Variants in FMN1 observed in about 807,000 individuals in gnomAD.
The protein encoded by FMN1 is formin 1.
FMN1 carries 110 observed loss-of-function variants against 132.4 expected under a neutral mutation model. The ratio of observed to expected loss-of-function variants is 0.83; its 90% confidence interval spans 0.71 to 0.97. The LOEUF (loss-of-function observed/expected upper bound fraction) is 0.97. FMN1 is among the 50% of genes least tolerant of loss of function. FMN1 has a pLI of 0.00. For missense variants in FMN1, 1,792 were observed against 1,705.3 expected, an observed-to-expected ratio of 1.05 and a Z score of -0.90; for synonymous variants, 722 against 651.7, an observed-to-expected ratio of 1.11 and a Z score of -1.64.
At chr15:33,159,396 G>A (rs757382297) in intron 3 of FMN1, among the ~76,000 whole-genome samples, 4 of 152,050 alleles carry the variant, frequency 2.6e-5, no homozygotes, top group Non-Finnish European at 4.4e-5. Flanking sequence ...TTGATGTATC[G>A]GGGAATAATC....
intron 7 of FMN1, among the ~76,000 whole-genome samples, chr15:32,995,408 A>C (rs1413091864): frequency 6.6e-6 from 1 of 152,182 alleles, no homozygotes; most frequent in Non-Finnish European, 1.5e-5. Flanking sequence ...TCTGCGTAAT[A>C]TTAGGTCCTC....
chr15:32,871,974 T>G (rs944188473), intron 16 of FMN1, among the ~76,000 whole-genome samples: 1 of 151,648 alleles, frequency 6.6e-6, no homozygotes, highest in African/African-American at 2.4e-5. Context: ...ATATGAGAGT[T>G]GATATAGAAA....
At chr15:33,056,164 G>A (rs2037207384) in intron 6 of FMN1, among the ~76,000 whole-genome samples, 1 of 152,162 alleles carries the variant, frequency 6.6e-6, no homozygotes, top group Admixed American at 6.5e-5. Flanking sequence ...ATAGAATCCA[G>A]ATATGCCCTA....
intron 9 of FMN1, among the ~76,000 whole-genome samples, chr15:32,939,142 G>A (rs528177568): frequency 7.9e-5 from 12 of 152,182 alleles, no homozygotes; most frequent in Non-Finnish European, 1.2e-4. Context: ...TTCCTTTAGT[G>A]GCCCCCTGTG....
At chr15:32,889,914 C>T (rs2059985532) in intron 15 of FMN1, among the ~76,000 whole-genome samples, 1 of 152,118 alleles carries the variant, frequency 6.6e-6, no homozygotes, top group African/African-American at 2.4e-5. Context: ...TATTTTATCC[C>T]TCATCCCCCT....
chr15:33,116,627 A>C (rs1023349306), intron 4 of FMN1, among the ~76,000 whole-genome samples: 12 of 152,006 alleles, frequency 7.9e-5, no homozygotes, highest in Admixed American at 6.6e-5. Context: ...ATTTCTGCTC[A>C]TTATTTGGCA....
At chr15:33,105,585 C>T (rs1401272027) in intron 4 of FMN1, among the ~76,000 whole-genome samples, 1 of 152,130 alleles carries the variant, frequency 6.6e-6, no homozygotes, top group Non-Finnish European at 1.5e-5. Context: ...GGTTTACAGA[C>T]TATATGGCTT....
rs778096622 is a variant in FMN1 at position 33,153,958 on chromosome 15, C to G, written c.957G>C (p.Arg319=). 2 of 1,536,698 alleles carry G rather than the reference C, an allele frequency of 1.3e-6. No homozygotes were observed. Among genetic ancestry groups the G allele is most frequent in the Non-Finnish European group, 1.7e-6 (2 of 1,147,074 alleles). ...TGGAGACAGGTTTCTGCTTGCAAGTCCGCTTAGCCGGCTTCTCCATCTCAT... is the reference window on the plus strand; with the variant it reads ...TGGAGACAGGTTTCTGCTTGCAAGTGCGCTTAGCCGGCTTCTCCATCTCAT... ...EKDEMEKPAK[R]TCKQKPVSKV... is the part of the protein sequence containing the mutation. Residue 319 remains arginine (R), a synonymous_variant, in exon 4 of 21, where the codon CGG becomes CGC. Coordinates refer to ENST00000616417, the MANE Select transcript of FMN1 (RefSeq NM_001277313.2).
chr15:32,949,421 T>C (rs1406476884), intron 9 of FMN1, among the ~76,000 whole-genome samples: 1 of 152,112 alleles, frequency 6.6e-6, no homozygotes, highest in African/African-American at 2.4e-5. Flanking sequence ...TATCTGACCT[T>C]TGACAAACTT....
rs779136944 is a variant in FMN1, at chr15:32,969,352, C to G, written c.2349G>C (p.Glu783Asp). The change falls in exon 8 of 21, where the codon GAG (glutamate) becomes GAC (aspartate). Residue 783 changes from glutamate to aspartate, a missense_variant. Around this residue, in one of 3 missense-constraint regions of FMN1, gnomAD observed 1,150 missense variants for 1,043.1 expected, o/e 1.10. Transcript: ENST00000616417. ...CGGTGGAAATGCACACATCTTTCCT[C>G]TCTTCACAACCCCCTCGCCATCTGT... ...LEHRWRGGCE[E>D]RKDVCISTDD... 6.2e-6 allele frequency: 10 copies of G among 1,614,000 alleles called. No individual in the cohort carries two copies. The East Asian group carries it at 1.8e-4, about 29-fold the overall frequency.
intron 5 of FMN1, among the ~76,000 whole-genome samples, chr15:33,080,340 T>C (rs1308577291): frequency 2.6e-5 from 4 of 152,250 alleles, no homozygotes; most frequent in African/African-American, 4.8e-5. Context: ...AATCTGCTGG[T>C]GTTCCCGTAA....
At chr15:32,813,896 G>A (rs765578211) in intron 17 of FMN1, among the ~76,000 whole-genome samples, 28 of 152,300 alleles carry the variant, frequency 1.8e-4, no homozygotes, top group Non-Finnish European at 3.7e-4. Flanking sequence ...AACGCTCCCT[G>A]CTGCTTCCCA....
chr15:32,947,344 G>C (rs559117674), intron 9 of FMN1, among the ~76,000 whole-genome samples: 2 of 152,090 alleles, frequency 1.3e-5, no homozygotes, highest in East Asian at 3.9e-4. Context: ...ATTTGCTTCT[G>C]AGCTCTCAAT....
chr15:32,859,258 A>G (rs2059209183), intron 16 of FMN1, among the ~76,000 whole-genome samples: 1 of 152,220 alleles, frequency 6.6e-6, no homozygotes, highest in Non-Finnish European at 1.5e-5. Context: ...GTACAAAAGA[A>G]GATAAAACTA....
At chr15:33,169,186 T>C (rs555694021) in intron 3 of FMN1, among the ~76,000 whole-genome samples, 1 of 152,320 alleles carries the variant, frequency 6.6e-6, no homozygotes, top group South Asian at 2.1e-4. Flanking sequence ...CATTACTTAT[T>C]AGAATGACTG....
intron 4 of FMN1, among the ~76,000 whole-genome samples, chr15:33,124,717 G>A (rs908945120): frequency 2.0e-5 from 3 of 152,068 alleles, no homozygotes; most frequent in African/African-American, 4.8e-5. Context: ...AGTCTGGAAG[G>A]AGAGGGAGGA....
chr15:32,973,331 C>T (rs1486898907), intron 7 of FMN1, among the ~76,000 whole-genome samples: 1 of 152,160 alleles, frequency 6.6e-6, no homozygotes, highest in Non-Finnish European at 1.5e-5. Flanking sequence ...TTTCATGCAT[C>T]TGGGTCTTTG....
At position 32,766,977 on chromosome 15, in the gene FMN1, G is replaced by T. The variant is rs536403671; in HGVS notation, c.*7333C>A. The T allele has an allele frequency of 1.3e-3, 205 of 152,360 alleles. 1 individual carries two copies. Among genetic ancestry groups the T allele is most frequent in the African/African-American group, 4.7e-3 (197 of 41,578 alleles). 9.4% of individuals were successfully genotyped at this position (152,360 alleles called of 1,614,324 possible). On this transcript the variant is annotated 3_prime_UTR_variant, in exon 21 of 21. Coordinates refer to ENST00000616417, the MANE Select transcript of FMN1 (RefSeq NM_001277313.2). ...CAAGCAGCCCCATGGATCTGAAATT[G>T]TTGGAGCTGTTAAACCAAGCACAGA...
At chr15:33,013,360 G>C (rs2034845218) in intron 6 of FMN1, among the ~76,000 whole-genome samples, 1 of 152,140 alleles carries the variant, frequency 6.6e-6, no homozygotes, top group African/African-American at 2.4e-5. Context: ...GCTATCAATT[G>C]CTAAATGTAA....
Sources: allele counts gnomAD v4.1 joint callset (sites outside exome capture counted in the v4.1 genomes callset), GRCh38; gene constraint gnomAD v4.1.1; regional missense constraint gnomAD v4.1.1; transcripts MANE v1.5; gene names NCBI Gene and HGNC (gene_info 2026-07-23, HGNC 2026-07-21).